Variants in ACCSL observed in about 807,000 individuals in gnomAD.
ACCSL encodes probable inactive 1-aminocyclopropane-1-carboxylate synthase-like protein 2.
Under a neutral mutation model 61.7 loss-of-function variants are expected in ACCSL, and 55 were observed. The observed-to-expected ratio is 0.89, with a 90% confidence interval of 0.72 to 1.12. The LOEUF (loss-of-function observed/expected upper bound fraction) is 1.12. Among genes scored for constraint, ACCSL ranks in the 50% most tolerant of loss-of-function variants. The probability of loss-of-function intolerance (pLI) is 0.00; values close to 1 mark genes in which losing one functional copy is unlikely to be tolerated. For missense variants in ACCSL, 632 were observed against 698.0 expected (o/e 0.91, Z 1.07); for synonymous variants, 258 against 264.3 (o/e 0.98, Z 0.23).
chr11:43,938,755 T>C, the ACCSL span, among the ~76,000 whole-genome samples: 51 of 152,012 alleles, frequency 3.4e-4, no homozygotes, highest in African/African-American at 1.2e-3. Context: ...TGAACCGAGA[T>C]TGCACCACTA....
At chr11:43,957,844 C>G in the ACCSL span, among the ~76,000 whole-genome samples, 13 of 152,324 alleles carry the variant, frequency 8.5e-5, no homozygotes, top group Admixed American at 7.2e-4. Flanking sequence ...GACCGCCCCC[C>G]CAACAACTTC....
the ACCSL span, among the ~76,000 whole-genome samples, chr11:43,961,373 C>T: frequency 5.9e-5 from 9 of 152,038 alleles, no homozygotes; most frequent in East Asian, 1.9e-4. Context: ...CTATTTTTCC[C>T]GGGGACAAGA....
At chr11:44,020,654 T>G in the ACCSL span, among the ~76,000 whole-genome samples, 829 of 152,312 alleles carry the variant, frequency 5.4e-3, 4 homozygotes, top group Middle Eastern at 0.034. Context: ...CAATAGTTTT[T>G]GGGGGAACAG....
the ACCSL span, among the ~76,000 whole-genome samples, chr11:44,005,182 C>T: frequency 6.6e-6 from 1 of 151,940 alleles, no homozygotes; most frequent in Non-Finnish European, 1.5e-5. Context: ...TGTCCCTCCA[C>T]CCCTCGACAA....
At chr11:44,012,837 A>G in the ACCSL span, among the ~76,000 whole-genome samples, 2 of 152,184 alleles carry the variant, frequency 1.3e-5, no homozygotes, top group Non-Finnish European at 2.9e-5. Flanking sequence ...AATGTTATGA[A>G]AGCTGTAAGG....
chr11:44,024,483 G>A, the ACCSL span, among the ~76,000 whole-genome samples: 22,590 of 133,732 alleles, frequency 0.17, 1,826 homozygotes, highest in East Asian at 0.31. Context: ...GTGTGTGTGT[G>A]TATACATCCT....
At chr11:44,043,187 G>A (rs1035556860), upstream of ACCSL, among the ~76,000 whole-genome samples, 1 of 152,126 alleles carries the variant, frequency 6.6e-6, no homozygotes, top group African/African-American at 2.4e-5. Context: ...TATACCGTTT[G>A]AGCTTGGACA....
chr11:43,928,819 G>C, the ACCSL span, among the ~76,000 whole-genome samples: 1 of 152,222 alleles, frequency 6.6e-6, no homozygotes, highest in African/African-American at 2.4e-5. Context: ...GCTGGGAAAA[G>C]GATGGAAGCT....
chr11:43,922,913 G>A, the ACCSL span, among the ~76,000 whole-genome samples: 1 of 152,142 alleles, frequency 6.6e-6, no homozygotes, highest in African/African-American at 2.4e-5. Context: ...AACATGGGTT[G>A]GAACACACAC....
the ACCSL span, among the ~76,000 whole-genome samples, chr11:43,970,670 C>T: frequency 6.6e-6 from 1 of 152,208 alleles, no homozygotes; most frequent in Non-Finnish European, 1.5e-5. Context: ...AGTTGGCATT[C>T]CAACATACTG....
At chr11:43,987,696 C>G in the ACCSL span, among the ~76,000 whole-genome samples, 1 of 151,452 alleles carries the variant, frequency 6.6e-6, no homozygotes, top group Non-Finnish European at 1.5e-5. Context: ...GTGACTGTTT[C>G]TACCCGGTGA....
chr11:44,009,915 G>T, the ACCSL span, among the ~76,000 whole-genome samples: 4 of 152,180 alleles, frequency 2.6e-5, no homozygotes, highest in Non-Finnish European at 5.9e-5. Context: ...TTCTTACTCT[G>T]CTTCTCCTGG....
At chr11:44,057,621 G>T (rs551098489) in intron 11 of ACCSL, among the ~76,000 whole-genome samples, 2 of 152,186 alleles carry the variant, frequency 1.3e-5, no homozygotes, top group Admixed American at 1.3e-4. Flanking sequence ...GCATCCCCAG[G>T]CACACATATA....
At chr11:43,925,481 G>A in the ACCSL span, 683 of 455,786 alleles carry the variant, frequency 1.5e-3, 7 homozygotes, top group African/African-American at 9.8e-3. Context: ...AGGTAGCGTC[G>A]TCCTCCTGAA....
At chr11:43,926,266 T>TG in the ACCSL span, among the ~76,000 whole-genome samples, 2 of 152,152 alleles carry the variant, frequency 1.3e-5, no homozygotes, top group Non-Finnish European at 2.9e-5. Flanking sequence ...CCCCACCACA[T>TG]GCTCCCCAGG....
At chr11:43,985,613 G>A in the ACCSL span, among the ~76,000 whole-genome samples, 2 of 152,242 alleles carry the variant, frequency 1.3e-5, no homozygotes, top group African/African-American at 4.8e-5. Flanking sequence ...GCAAAATCCG[G>A]CTCAGTCTCT....
chr11:43,929,139 C>T, the ACCSL span, among the ~76,000 whole-genome samples: 5 of 152,188 alleles, frequency 3.3e-5, no homozygotes, highest in Non-Finnish European at 7.3e-5. Flanking sequence ...AAAATGTATC[C>T]GTCTCAGTAC....
chr11:43,987,743 C>T, the ACCSL span, among the ~76,000 whole-genome samples: 3 of 152,250 alleles, frequency 2.0e-5, no homozygotes, highest in South Asian at 2.1e-4. Flanking sequence ...GAGACCTGGC[C>T]GACTTCCCAA....
At chr11:43,925,740 C>T in the ACCSL span, among the ~76,000 whole-genome samples, 1 of 152,054 alleles carries the variant, frequency 6.6e-6, no homozygotes, top group African/African-American at 2.4e-5. Context: ...TCAGGTGGAC[C>T]CAGGGTTGAA....
Sources: gnomAD v4.1 joint callset for allele counts (sites outside exome capture counted in the v4.1 genomes callset) on GRCh38, gnomAD v4.1.1 for gene constraint, MANE v1.5 for transcripts, NCBI Gene and HGNC (gene_info 2026-07-23, HGNC 2026-07-21) for gene names.